Variants in TCF7L1 observed in about 807,000 individuals in gnomAD.
The protein encoded by TCF7L1 is transcription factor 7 like 1, also known as transcription factor 7-like 1.
TCF7L1 carries 18 observed loss-of-function variants against 63.7 expected under a neutral mutation model. That is an observed-to-expected ratio of 0.28 (90% CI 0.20 to 0.42). TCF7L1 has a LOEUF of 0.42. Ranked by LOEUF, TCF7L1 falls within the 10% of genes least tolerant of loss-of-function variation. The probability of loss-of-function intolerance (pLI) is 1.00; values close to 1 mark genes in which losing one functional copy is unlikely to be tolerated. For missense variants in TCF7L1, 654 were observed against 779.3 expected, an observed-to-expected ratio of 0.84 and a Z score of 1.91; for synonymous variants, 355 against 340.9, an observed-to-expected ratio of 1.04 and a Z score of -0.46.
chr2:85,230,938 T>G (rs1680062571), intron 3 of TCF7L1, among the ~76,000 whole-genome samples: 3 of 152,206 alleles, frequency 2.0e-5, no homozygotes, highest in Admixed American at 2.0e-4. Context: ...CCTAAAACTT[T>G]CCAAAACTTA....
chr2:85,160,382 G>C (rs72840111), intron 3 of TCF7L1, among the ~76,000 whole-genome samples: 1 of 152,052 alleles, frequency 6.6e-6, no homozygotes, highest in Non-Finnish European at 1.5e-5. Context: ...GTGTCACCAC[G>C]CCCAGCAAAT....
At chr2:85,284,781 T>C (rs938213481) in intron 4 of TCF7L1, among the ~76,000 whole-genome samples, 9 of 152,206 alleles carry the variant, frequency 5.9e-5, no homozygotes, top group African/African-American at 2.2e-4. Flanking sequence ...GCTTCTATGA[T>C]GTTTATTAAA....
At chr2:85,197,335 C>G (rs555210468) in intron 3 of TCF7L1, among the ~76,000 whole-genome samples, 1 of 152,190 alleles carries the variant, frequency 6.6e-6, no homozygotes, top group African/African-American at 2.4e-5. Context: ...CGCTTGAACC[C>G]GGGAGGCAGA....
chr2:85,191,348 G>C (rs540869136), intron 3 of TCF7L1, among the ~76,000 whole-genome samples: 3 of 152,324 alleles, frequency 2.0e-5, no homozygotes, highest in Non-Finnish European at 4.4e-5. Flanking sequence ...AGCTTCTTCT[G>C]TTAGGCACAG....
chr2:85,283,463 C>G, intron 3 of TCF7L1, 32 bp from the exon 4 acceptor site: 1 of 1,613,262 alleles, frequency 6.2e-7, no homozygotes, highest in Non-Finnish European at 8.5e-7. Context: ...CTCATCTCAC[C>G]AACAGCTTTT....
intron 3 of TCF7L1, among the ~76,000 whole-genome samples, chr2:85,248,665 C>A (rs957178883): frequency 2.0e-5 from 3 of 152,154 alleles, no homozygotes; most frequent in African/African-American, 7.2e-5. Flanking sequence ...AACTCCCACC[C>A]CCTAAACCAT....
intron 3 of TCF7L1, among the ~76,000 whole-genome samples, chr2:85,279,040 G>A (rs1681352066): frequency 6.6e-6 from 1 of 152,104 alleles, no homozygotes; most frequent in Non-Finnish European, 1.5e-5. Context: ...CTTCGCTGTG[G>A]GCTGAAGCCC....
chr2:85,261,751 G>A (rs1400473346), intron 3 of TCF7L1, among the ~76,000 whole-genome samples: 1 of 152,040 alleles, frequency 6.6e-6, no homozygotes, highest in Non-Finnish European at 1.5e-5. Flanking sequence ...GCTGGGTGTG[G>A]TGATGTGTGC....
At chr2:85,288,392 A>G (rs1379500966) in intron 4 of TCF7L1, among the ~76,000 whole-genome samples, 1 of 152,162 alleles carries the variant, frequency 6.6e-6, no homozygotes, top group Non-Finnish European at 1.5e-5. Flanking sequence ...GAGGACCTAG[A>G]GACATCCCAG....
Position 85,309,803 on chromosome 2 carries a change from C to T in TCF7L1, c.*341C>T. 4.1e-6 allele frequency: 1 copy of T among 243,784 alleles called. No individual in the cohort carries two copies. The highest frequency in any genetic ancestry group is 8.1e-5 in the East Asian group (1 of 12,410). 15.1% of individuals were successfully genotyped at this position (243,784 alleles called of 1,614,324 possible). ...CTTTCTGTCTCCTGTCTCTTCTCGC[C>T]CCTGCCGCCTGCCCCAGCTTCCCCG... On this transcript the variant is annotated 3_prime_UTR_variant, in exon 12 of 12. Transcript: ENST00000282111.
intron 3 of TCF7L1, among the ~76,000 whole-genome samples, chr2:85,248,977 C>G (rs1221748464): frequency 6.6e-6 from 1 of 150,666 alleles, no homozygotes; most frequent in East Asian, 1.9e-4. Flanking sequence ...TGTTGACTGA[C>G]TTGACTCATT....
chr2:85,306,058 G>C lies in TCF7L1; in HGVS notation c.990-148G>C. On this transcript the variant is annotated intron_variant, in intron 8 of 11. Coordinates refer to ENST00000282111, the MANE Select transcript of TCF7L1 (RefSeq NM_031283.3). This position sits in a 1 kb window ranked among gnomAD's most constrained non-coding sequence, Gnocchi z 4.3. ...AACTACGGGAGGAAGGTACTCAGGT[G>C]TTGAGTGCAGCCATGGGGCCACTTG... 1.2e-6 allele frequency: 1 copy of C among 809,584 alleles called. No individual in the cohort carries two copies. The highest frequency in any genetic ancestry group is 2.5e-5 in the Admixed American group (1 of 39,322). 50.2% of individuals were successfully genotyped at this position (809,584 alleles called of 1,614,324 possible). A position where few individuals can be genotyped will look rare whatever the true frequency, so the allele number is the denominator to read the frequency against.
At chr2:85,261,126 G>T (rs1336110365) in intron 3 of TCF7L1, among the ~76,000 whole-genome samples, 2 of 106,828 alleles carry the variant, frequency 1.9e-5, no homozygotes, top group African/African-American at 8.6e-5. Flanking sequence ...TATTGCTGGT[G>T]TGTGTGTGTG....
chr2:85,168,075 A>G (rs572792119), intron 3 of TCF7L1, among the ~76,000 whole-genome samples: 1 of 152,294 alleles, frequency 6.6e-6, no homozygotes, highest in Admixed American at 6.5e-5. Flanking sequence ...GTGTAAAGTT[A>G]CAGATATGAG....
chr2:85,134,252 C>T lies in TCF7L1; in HGVS notation c.314-71C>T, dbSNP rs1425320391. On this transcript the variant is annotated intron_variant, in intron 2 of 11. Coordinates refer to ENST00000282111, the MANE Select transcript of TCF7L1 (RefSeq NM_031283.3). This position sits in a 1 kb window ranked among gnomAD's most constrained non-coding sequence, Gnocchi z 5.0. Reference sequence around the variant, plus strand: ...GGGCGCTGGGGTCCCCAGCTCCCGCCTCGAGCCCCCTGCCGCGGCGCTGTC... The same window carrying T: ...GGGCGCTGGGGTCCCCAGCTCCCGCTTCGAGCCCCCTGCCGCGGCGCTGTC... 12 of 1,488,326 alleles carry T rather than the reference C, an allele frequency of 8.1e-6. No individual in the cohort carries two copies. Among genetic ancestry groups the T allele is most frequent in the South Asian group, 4.1e-5 (3 of 73,798 alleles). The allele number at this position is 1,488,326 out of a possible 1,614,324, so 92.2% of individuals were successfully genotyped here. A position where few individuals can be genotyped will look rare whatever the true frequency, so the allele number is the denominator to read the frequency against.
At chr2:85,235,975 A>G (rs920893796) in intron 3 of TCF7L1, among the ~76,000 whole-genome samples, 3 of 152,090 alleles carry the variant, frequency 2.0e-5, no homozygotes, top group African/African-American at 7.2e-5. Context: ...GCTAAGCAAT[A>G]TAGTGAGACC....
At chr2:85,202,947 C>A (rs1679308344) in intron 3 of TCF7L1, among the ~76,000 whole-genome samples, 1 of 152,178 alleles carries the variant, frequency 6.6e-6, no homozygotes, top group Non-Finnish European at 1.5e-5. Flanking sequence ...CATTCTCCTG[C>A]CTCAGCCTCC....
chr2:85,281,180 T>C (rs4832153), intron 3 of TCF7L1, among the ~76,000 whole-genome samples: 108,496 of 151,968 alleles, frequency 0.71, 39,686 homozygotes, highest in East Asian at 0.85. Flanking sequence ...CACGCCACCA[T>C]GCCCAGCTAA....
intron 3 of TCF7L1, among the ~76,000 whole-genome samples, chr2:85,138,432 A>G (rs1677646166): frequency 6.6e-6 from 1 of 152,206 alleles, no homozygotes. Context: ...CTTTTGGAAG[A>G]TCAGTATAAA....
Sources: allele counts gnomAD v4.1 joint callset (sites outside exome capture counted in the v4.1 genomes callset), GRCh38; gene constraint gnomAD v4.1.1; non-coding constraint Gnocchi (gnomAD v3.1); transcripts MANE v1.5; gene names NCBI Gene and HGNC (gene_info 2026-07-23, HGNC 2026-07-21).